FGF12: variants seen among roughly 807,000 people sequenced by gnomAD.
FGF12 encodes the protein fibroblast growth factor 12B.
A neutral mutation model predicts 23.6 loss-of-function variants in FGF12; 14 were observed. That is an observed-to-expected ratio of 0.59 (90% CI 0.39 to 0.93). FGF12 has a LOEUF of 0.93. Ranked by LOEUF, FGF12 falls within the 40% of genes least tolerant of loss-of-function variation. The pLI, the probability that FGF12 is intolerant of heterozygous loss-of-function variation, is 0.00. For missense variants in FGF12, 175 were observed against 217.8 expected (o/e 0.80, Z 1.24); for synonymous variants, 62 against 77.3 (o/e 0.80, Z 1.04).
At chr3:192,321,996 A>C (rs1322045629) in intron 4 of FGF12, among the ~76,000 whole-genome samples, 1 of 152,094 alleles carries the variant, frequency 6.6e-6, no homozygotes, top group African/African-American at 2.4e-5. Flanking sequence ...AAGAAATAAA[A>C]AGCATCCAAA....
intron 2 of FGF12, among the ~76,000 whole-genome samples, chr3:192,430,768 G>C (rs1297209370): frequency 2.0e-5 from 3 of 152,126 alleles, no homozygotes; most frequent in African/African-American, 7.2e-5. Context: ...ACCATGAAGA[G>C]GGTAGTCTTG....
Position 192,379,500 on chromosome 3 carries a change from A to AT in FGF12, c.14-18963_14-18962insA, listed in dbSNP as rs200305570. ...TTATCTTCAACAATAAAAGGAAAAA[A>AT]ATATATAAAGACATGAGGGACACTA... On this transcript the variant is annotated intron_variant, in intron 2 of 5. Coordinates refer to ENST00000445105, the MANE Select transcript of FGF12 (RefSeq NM_004113.6). Among the ~76,000 whole-genome samples the AT allele has an allele frequency of 4.4e-3, 676 of 152,118 alleles. 2 individuals carry two copies. Among genetic ancestry groups the AT allele is most frequent in the African/African-American group, 0.016 (655 of 41,482 alleles).
At chr3:192,260,428 C>T (rs1179035454) in intron 4 of FGF12, among the ~76,000 whole-genome samples, 1 of 152,148 alleles carries the variant, frequency 6.6e-6, no homozygotes, top group Admixed American at 6.6e-5. Flanking sequence ...TTCTGTTCAT[C>T]CCCAACTTGT....
chr3:192,568,165 T>C (rs773371562), intron 2 of FGF12, among the ~76,000 whole-genome samples: 2 of 152,114 alleles, frequency 1.3e-5, no homozygotes, highest in Non-Finnish European at 2.9e-5. Context: ...ACACTTGTCA[T>C]TGGATTTAGG....
intron 2 of FGF12, among the ~76,000 whole-genome samples, chr3:192,543,120 G>A (rs1048127860): frequency 2.8e-5 from 4 of 144,834 alleles, no homozygotes; most frequent in East Asian, 2.1e-4. Flanking sequence ...CACCAGTCAC[G>A]TCTAGCGATG....
chr3:192,427,627 G>C (rs1246239742), intron 2 of FGF12, among the ~76,000 whole-genome samples: 1 of 152,138 alleles, frequency 6.6e-6, no homozygotes, highest in East Asian at 1.9e-4. Flanking sequence ...CAGTAGAGTG[G>C]TTCTCACATC....
chr3:192,550,131 A>G (rs1461092511), intron 2 of FGF12, among the ~76,000 whole-genome samples: 1 of 151,678 alleles, frequency 6.6e-6, no homozygotes, highest in African/African-American at 2.4e-5. Context: ...ATAATTACAC[A>G]TATAGAAAAA....
intron 2 of FGF12, among the ~76,000 whole-genome samples, chr3:192,703,070 A>G (rs1298990173): frequency 6.6e-6 from 1 of 152,208 alleles, no homozygotes; most frequent in African/African-American, 2.4e-5. Context: ...TCTATAAAGC[A>G]TTTTAAATAT....
At chr3:192,691,071 A>T (rs1717928519) in intron 2 of FGF12, among the ~76,000 whole-genome samples, 1 of 152,098 alleles carries the variant, frequency 6.6e-6, no homozygotes, top group South Asian at 2.1e-4. Flanking sequence ...GGAAATAAAC[A>T]GGAATACAAT....
At chr3:192,404,077 G>A (rs778561357) in intron 2 of FGF12, among the ~76,000 whole-genome samples, 1 of 152,082 alleles carries the variant, frequency 6.6e-6, no homozygotes, top group African/African-American at 2.4e-5. Flanking sequence ...TTTTTAAAGG[G>A]ATCGGCGTAT....
intron 2 of FGF12, among the ~76,000 whole-genome samples, chr3:192,502,749 G>A (rs1242395312): frequency 6.6e-6 from 1 of 152,170 alleles, no homozygotes; most frequent in African/African-American, 2.4e-5. Flanking sequence ...AATGGGAGCA[G>A]GAATTTTCTC....
intron 4 of FGF12, among the ~76,000 whole-genome samples, chr3:192,227,769 C>T (rs1005525165): frequency 6.6e-6 from 1 of 152,092 alleles, no homozygotes; most frequent in African/African-American, 2.4e-5. Flanking sequence ...TCTTATTGAA[C>T]TCTATGATAC....
At chr3:192,529,503 C>G (rs145443073) in intron 2 of FGF12, among the ~76,000 whole-genome samples, 260 of 152,326 alleles carry the variant, frequency 1.7e-3, no homozygotes, top group Non-Finnish European at 2.2e-3. Flanking sequence ...CAATCTCTGC[C>G]TGTTACCCAG....
At chr3:192,204,056 G>A (rs1003408918) in intron 4 of FGF12, among the ~76,000 whole-genome samples, 1 of 152,060 alleles carries the variant, frequency 6.6e-6, no homozygotes, top group Non-Finnish European at 1.5e-5. Flanking sequence ...AATTATGATT[G>A]TGTGATTTGA....
chr3:192,479,831 A>G (rs1368532047), intron 2 of FGF12, among the ~76,000 whole-genome samples: 3 of 152,176 alleles, frequency 2.0e-5, no homozygotes, highest in Non-Finnish European at 4.4e-5. Context: ...CGGTAACATG[A>G]GTTAGGCTAA....
chr3:192,163,736 C>T (rs1434106510), intron 5 of FGF12, among the ~76,000 whole-genome samples: 1 of 152,014 alleles, frequency 6.6e-6, no homozygotes, highest in Non-Finnish European at 1.5e-5. Flanking sequence ...TGACAGTTTA[C>T]ATTCTGCTGA....
At chr3:192,537,358 GT>G (rs1042408892) in intron 2 of FGF12, among the ~76,000 whole-genome samples, 12 of 152,032 alleles carry the variant, frequency 7.9e-5, no homozygotes, top group African/African-American at 2.9e-4. Context: ...CCTATTTTTA[GT>G]TTTTTGAAGA....
chr3:192,389,918 T>A (rs546145375), intron 2 of FGF12, among the ~76,000 whole-genome samples: 8 of 152,364 alleles, frequency 5.3e-5, no homozygotes, highest in African/African-American at 1.7e-4. Context: ...TTTTCAATTT[T>A]AAAATGTTTA....
At chr3:192,459,640 G>A (rs76727806) in intron 2 of FGF12, among the ~76,000 whole-genome samples, 1,572 of 152,200 alleles carry the variant, frequency 0.01, 22 homozygotes, top group African/African-American at 0.037. Flanking sequence ...TGCATACATT[G>A]ATTCAAATAT....
Sources: gnomAD v4.1 joint callset for allele counts (sites outside exome capture counted in the v4.1 genomes callset) on GRCh38, gnomAD v4.1.1 for gene constraint, MANE v1.5 for transcripts, NCBI Gene and HGNC (gene_info 2026-07-23, HGNC 2026-07-21) for gene names.